APBB2: variants seen among roughly 807,000 people sequenced by gnomAD.
APBB2 encodes the protein Fe65-like 1.
APBB2 carries 38 observed loss-of-function variants against 82.5 expected under a neutral mutation model. The ratio of observed to expected loss-of-function variants is 0.46; its 90% CI spans 0.36 to 0.60. The LOEUF (loss-of-function observed/expected upper bound fraction) is 0.60, where lower values mean the gene tolerates loss of function less well. Ranked by LOEUF, APBB2 falls within the 20% of genes least tolerant of loss-of-function variation. The pLI, the probability that APBB2 is intolerant of heterozygous loss-of-function variation, is 0.00. For synonymous variants in APBB2, 341 were observed against 368.2 expected (o/e 0.93, Z 0.85); for missense variants, 772 against 972.3 (o/e 0.79, Z 2.74).
chr4:41,109,963 G>GTC (rs1748597924), intron 2 of APBB2, among the ~76,000 whole-genome samples: 1 of 152,158 alleles, frequency 6.6e-6, no homozygotes, highest in Non-Finnish European at 1.5e-5. Context: ...ACTGTCTCCT[G>GTC]TCCTTTAACC....
At chr4:40,943,383 A>C (rs930613131) in intron 7 of APBB2, among the ~76,000 whole-genome samples, 5 of 152,196 alleles carry the variant, frequency 3.3e-5, no homozygotes, top group Non-Finnish European at 7.3e-5. Flanking sequence ...GGAATGGAGA[A>C]AGATTCTTGC....
At chr4:40,903,022 A>G (rs1775752873) in intron 10 of APBB2, among the ~76,000 whole-genome samples, 4 of 152,200 alleles carry the variant, frequency 2.6e-5, no homozygotes, top group African/African-American at 9.7e-5. Context: ...GCACACCTGT[A>G]GTCCCAGCTA....
chr4:40,888,560 G>A (rs751376706), intron 12 of APBB2, among the ~76,000 whole-genome samples: 12 of 150,170 alleles, frequency 8.0e-5, no homozygotes, highest in African/African-American at 1.2e-4. Context: ...CCCCTGTCTC[G>A]CACACGTATG....
At chr4:41,209,511 TC>T (rs1290349079) in intron 1 of APBB2, among the ~76,000 whole-genome samples, 1 of 152,162 alleles carries the variant, frequency 6.6e-6, no homozygotes, top group Non-Finnish European at 1.5e-5. Flanking sequence ...GCTGCATTTC[TC>T]ATCGAGGCGA....
chr4:41,024,575 C>T (rs767082520), intron 5 of APBB2, among the ~76,000 whole-genome samples: 7 of 152,234 alleles, frequency 4.6e-5, no homozygotes, highest in Non-Finnish European at 1.0e-4. Flanking sequence ...CAGGTGAAGT[C>T]TCAATAATAT....
chr4:41,008,946 A>T (rs35969948), intron 6 of APBB2, among the ~76,000 whole-genome samples: 31,825 of 152,196 alleles, frequency 0.21, 3,534 homozygotes, highest in Middle Eastern at 0.29. Flanking sequence ...CACTTTAGCA[A>T]TGAATCTGAT....
At chr4:41,119,649 C>T (rs984146083) in intron 2 of APBB2, among the ~76,000 whole-genome samples, 6 of 151,990 alleles carry the variant, frequency 3.9e-5, no homozygotes, top group Non-Finnish European at 5.9e-5. Flanking sequence ...ACATACTCCA[C>T]CATACTATAT....
intron 1 of APBB2, among the ~76,000 whole-genome samples, chr4:41,211,340 T>C (rs927673772): frequency 6.6e-5 from 10 of 151,862 alleles, no homozygotes; most frequent in South Asian, 4.2e-4. Flanking sequence ...ATTCCCCCCA[T>C]AACCAGTAAT....
intron 12 of APBB2, chr4:40,881,132 C>CA: frequency 1.0e-6 from 1 of 985,398 alleles, no homozygotes; most frequent in South Asian, 4.7e-5. Context: ...TGTAAGTCAG[C>CA]AAAACGGTCA....
intron 5 of APBB2, 98 bp downstream of exon 5, chr4:41,033,138 T>C: frequency 3.6e-6 from 3 of 844,648 alleles, no homozygotes; most frequent in Non-Finnish European, 5.7e-6. Flanking sequence ...AAACATGTTA[T>C]TTTAGCAAAT....
At chr4:40,956,793 T>C (rs1791743437) in intron 6 of APBB2, among the ~76,000 whole-genome samples, 1 of 152,214 alleles carries the variant, frequency 6.6e-6, no homozygotes, top group Admixed American at 6.5e-5. Flanking sequence ...AAGAACTCAA[T>C]ACTTAAAAGG....
chr4:41,010,389 A>T (rs936846461), intron 6 of APBB2, among the ~76,000 whole-genome samples: 1 of 152,230 alleles, frequency 6.6e-6, no homozygotes, highest in Non-Finnish European at 1.5e-5. Flanking sequence ...CATGTAAAAA[A>T]AACTCTAATC....
chr4:41,014,267 C>A lies in APBB2; in HGVS notation c.151G>T (p.Ala51Ser). The A allele has an allele frequency of 6.2e-7, 1 of 1,614,104 alleles. No individual in the cohort carries two copies. Residue 51 changes from alanine to serine, a missense_variant, in exon 6 of 18, where the codon GCT becomes TCT. Transcript: ENST00000508593. ...TTGGTTTCTGTGTGTTTTATTTCAG[C>A]GTTCAACAGTTCATTGTGGGAGGAT... ...LRSSHNELLN[A>S]EIKHTETKNS...
intron 13 of APBB2, among the ~76,000 whole-genome samples, chr4:40,828,749 G>A (rs900316842): frequency 6.6e-6 from 1 of 152,258 alleles, no homozygotes; most frequent in South Asian, 2.1e-4. Context: ...ATCAATGCAA[G>A]AATGTGAACA....
chr4:40,908,242 C>T (rs904409734), intron 10 of APBB2, among the ~76,000 whole-genome samples: 5 of 152,070 alleles, frequency 3.3e-5, no homozygotes, highest in African/African-American at 1.2e-4. Context: ...TTCACAGTGA[C>T]CTTGGGCTCC....
rs1034736376 is a variant in APBB2, at chr4:40,956,026, G to A, written c.836-10953C>T. ...CGACGTCATGTGATCCACCTACCTC[G>A]GCCTCCCAAAGTGCTGGGATTACAG... On this transcript the variant is annotated intron_variant, in intron 6 of 17. Transcript: ENST00000508593. Among the ~76,000 whole-genome samples the A allele has an allele frequency of 7.3e-4, 111 of 151,962 alleles. 3 individuals are homozygous for A. Among genetic ancestry groups the A allele is most frequent in the Non-Finnish European group, 2.6e-4 (18 of 67,990 alleles).
At chr4:40,865,753 A>C (rs1325372296) in intron 12 of APBB2, among the ~76,000 whole-genome samples, 1 of 152,236 alleles carries the variant, frequency 6.6e-6, no homozygotes, top group African/African-American at 2.4e-5. Context: ...CAAACAACAC[A>C]ATTTTTTAAA....
chr4:40,842,874 G>A (rs1251535748), intron 12 of APBB2, among the ~76,000 whole-genome samples: 1 of 152,080 alleles, frequency 6.6e-6, no homozygotes, highest in Non-Finnish European at 1.5e-5. Flanking sequence ...AACAGGGAGG[G>A]AGGGAGGCAG....
At chr4:41,166,422 C>A (rs954881498) in intron 1 of APBB2, among the ~76,000 whole-genome samples, 4 of 151,514 alleles carry the variant, frequency 2.6e-5, no homozygotes, top group Non-Finnish European at 5.9e-5. Context: ...ACAAAAAAAT[C>A]AAAAAATTAG....
Sources: allele counts gnomAD v4.1 joint callset (sites outside exome capture counted in the v4.1 genomes callset), GRCh38; gene constraint gnomAD v4.1.1; transcripts MANE v1.5; gene names NCBI Gene and HGNC (gene_info 2026-07-23, HGNC 2026-07-21).